The following EPC2 variants were observed in gnomAD, a reference collection of about 807,000 sequenced individuals.
EPC2 encodes the protein enhancer of polycomb homolog 2.
Under a neutral mutation model 92.1 loss-of-function variants are expected in EPC2, and 14 were observed. The ratio of observed to expected loss-of-function variants is 0.15; its 90% CI spans 0.10 to 0.24. The LOEUF is 0.24. EPC2 is among the 10% of genes least tolerant of loss of function. The pLI, the probability that EPC2 is intolerant of heterozygous loss-of-function variation, is 1.00. For synonymous variants in EPC2, 340 were observed against 334.7 expected, an observed-to-expected ratio of 1.02 and a Z score of -0.17; for missense variants, 755 against 971.5, an observed-to-expected ratio of 0.78 and a Z score of 2.96.
chr2:148,743,273 G>A (rs761801741), intron 2 of EPC2, among the ~76,000 whole-genome samples: 1 of 151,270 alleles, frequency 6.6e-6, no homozygotes, highest in Non-Finnish European at 1.5e-5. Flanking sequence ...CTCTGTTCTT[G>A]AGCTTGTTTC....
chr2:148,708,683 G>A (rs1311072837), intron 2 of EPC2, among the ~76,000 whole-genome samples: 2 of 152,180 alleles, frequency 1.3e-5, no homozygotes, highest in African/African-American at 4.8e-5. Context: ...TGCAAGGCTG[G>A]TTCAACATAT....
Position 148,770,758 on chromosome 2 carries a change from AGTTTTTT to A in EPC2, c.1231-19_1231-13del, listed in dbSNP as rs536729563. The A allele has an allele frequency of 7.0e-3, 11,018 of 1,579,760 alleles. 51 individuals carry two copies. Among genetic ancestry groups the A allele is most frequent in the Non-Finnish European group, 8.4e-3 (9,816 of 1,167,870 alleles). On this transcript the variant is annotated intron_variant, in intron 8 of 13. Transcript: ENST00000258484. ...GTCTTCATTTCAGATTTACTCCATG[AGTTTTTT>A]GTTTTTTGTTTTTTCTTTCTTTGCA...
chr2:148,672,444 C>T (rs764367284), intron 1 of EPC2, among the ~76,000 whole-genome samples: 20 of 152,034 alleles, frequency 1.3e-4, no homozygotes, highest in Non-Finnish European at 2.1e-4. Context: ...CTTTGTGCTT[C>T]GTTGATTTTG....
chr2:148,679,941 C>T (rs1229820195), intron 1 of EPC2, among the ~76,000 whole-genome samples: 1 of 152,194 alleles, frequency 6.6e-6, no homozygotes, highest in Non-Finnish European at 1.5e-5. Flanking sequence ...GCCACTGCGC[C>T]TGGCAAAAGT....
intron 1 of EPC2, among the ~76,000 whole-genome samples, chr2:148,655,302 C>T (rs1398708960): frequency 6.6e-6 from 1 of 152,062 alleles, no homozygotes; most frequent in African/African-American, 2.4e-5. Flanking sequence ...GCTTCTTAAC[C>T]TTTTTTTGGT....
chr2:148,673,618 C>G (rs1312409067), intron 1 of EPC2, among the ~76,000 whole-genome samples: 2 of 152,204 alleles, frequency 1.3e-5, no homozygotes, highest in Non-Finnish European at 2.9e-5. Context: ...GAGTCTCACT[C>G]TGTCACCCAG....
chr2:148,768,234 G>A (rs1403233097), intron 7 of EPC2, among the ~76,000 whole-genome samples: 1 of 152,188 alleles, frequency 6.6e-6, no homozygotes, highest in Non-Finnish European at 1.5e-5. Context: ...AAGTGAGAGT[G>A]CGAGACAACT....
chr2:148,663,874 G>T (rs1349807640), intron 1 of EPC2, among the ~76,000 whole-genome samples: 3 of 152,134 alleles, frequency 2.0e-5, no homozygotes. Context: ...ACACTCCTAT[G>T]ACAATCTAAT....
intron 13 of EPC2, among the ~76,000 whole-genome samples, chr2:148,785,731 CAA>C (rs961833353): frequency 1.3e-5 from 2 of 152,066 alleles, no homozygotes; most frequent in African/African-American, 2.4e-5. Context: ...GCGTCATACA[CAA>C]AGGGAAAGTA....
chr2:148,755,705 A>G (rs992200540), intron 4 of EPC2, among the ~76,000 whole-genome samples: 1 of 152,224 alleles, frequency 6.6e-6, no homozygotes, highest in Non-Finnish European at 1.5e-5. Flanking sequence ...GTACACTGTG[A>G]CATTTGTGCA....
intron 3 of EPC2, among the ~76,000 whole-genome samples, chr2:148,744,526 T>G (rs542024491): frequency 3.0e-4 from 46 of 152,060 alleles, no homozygotes; most frequent in Non-Finnish European, 5.9e-4. Context: ...GATACAGAAC[T>G]CTTTATGTGG....
At chr2:148,677,492 TAGTG>T (rs1259816580) in intron 1 of EPC2, among the ~76,000 whole-genome samples, 1 of 152,162 alleles carries the variant, frequency 6.6e-6, no homozygotes, top group African/African-American at 2.4e-5. Context: ...TTGGGCAACA[TAGTG>T]AGACTCCATC....
intron 2 of EPC2, among the ~76,000 whole-genome samples, chr2:148,727,779 C>T (rs1682526543): frequency 6.6e-6 from 1 of 152,078 alleles, no homozygotes; most frequent in Non-Finnish European, 1.5e-5. Flanking sequence ...TTTTTTAAAA[C>T]ACAAAATTAT....
intron 2 of EPC2, among the ~76,000 whole-genome samples, chr2:148,706,440 A>T (rs1682001287): frequency 6.6e-6 from 1 of 152,190 alleles, no homozygotes; most frequent in Non-Finnish European, 1.5e-5. Flanking sequence ...ATTATCCAGG[A>T]GAACTTCCCC....
intron 1 of EPC2, among the ~76,000 whole-genome samples, chr2:148,659,373 T>C (rs1344215966): frequency 6.6e-6 from 1 of 152,050 alleles, no homozygotes; most frequent in African/African-American, 2.4e-5. Flanking sequence ...AGATTGCTTT[T>C]TTAAAAAAAA....
chr2:148,784,201 G>A (rs533440023), intron 12 of EPC2, among the ~76,000 whole-genome samples: 1 of 152,306 alleles, frequency 6.6e-6, no homozygotes, highest in African/African-American at 2.4e-5. Flanking sequence ...GAGTATTGCT[G>A]TGAAACCCTG....
At chr2:148,722,511 A>G (rs1558820493) in intron 2 of EPC2, among the ~76,000 whole-genome samples, 4 of 152,222 alleles carry the variant, frequency 2.6e-5, no homozygotes, top group African/African-American at 9.6e-5. Context: ...TGTTATTAAA[A>G]AGTCAAAAAG....
intron 1 of EPC2, among the ~76,000 whole-genome samples, chr2:148,661,773 AT>A (rs1007583156): frequency 1.3e-5 from 2 of 151,850 alleles, no homozygotes; most frequent in African/African-American, 4.8e-5. Context: ...ATATTCTCAA[AT>A]TTTTTTTGGC....
rs369058386 is a variant in EPC2 at position 148,671,286 on chromosome 2, G to GTT, written c.154-18928_154-18927insTT. On this transcript the variant is annotated intron_variant, in intron 1 of 13. Coordinates refer to ENST00000258484, the MANE Select transcript of EPC2 (RefSeq NM_015630.4). ...ATGCTAAATCTCTATTGTGGATTGTGATTTTTTTTTTTTTTTTTTTTGTAG... is the reference window on the plus strand; with the variant it reads ...ATGCTAAATCTCTATTGTGGATTGTGTTATTTTTTTTTTTTTTTTTTTTGTAG... Among the ~76,000 whole-genome samples the GTT allele has an allele frequency of 6.3e-3, 827 of 130,438 alleles. 10 individuals carry two copies. The highest frequency in any genetic ancestry group is 0.01 in the East Asian group (42 of 4,108). The allele number at this position is 130,438 out of a possible 152,430, so 85.6% of individuals were successfully genotyped here. A position where few individuals can be genotyped will look rare whatever the true frequency, so the allele number is the denominator to read the frequency against.
Sources: allele counts gnomAD v4.1 joint callset (sites outside exome capture counted in the v4.1 genomes callset), GRCh38; gene constraint gnomAD v4.1.1; transcripts MANE v1.5; gene names NCBI Gene and HGNC (gene_info 2026-07-23, HGNC 2026-07-21).